The following YRDC variants were observed in gnomAD, a reference collection of about 807,000 sequenced individuals.
The protein encoded by YRDC is threonylcarbamoyl-AMP synthase.
A neutral mutation model predicts 21.5 loss-of-function variants in YRDC; 17 were observed. The observed-to-expected ratio is 0.79, with a 90% CI of 0.54 to 1.19. YRDC has a LOEUF of 1.19. YRDC is among the 50% of genes most tolerant of loss of function. YRDC has a pLI of 0.00. For synonymous variants in YRDC, 193 were observed against 176.7 expected, an observed-to-expected ratio of 1.09 and a Z score of -0.73; for missense variants, 380 against 397.1, an observed-to-expected ratio of 0.96 and a Z score of 0.37.
Position 37,803,087 on chromosome 1 carries a change from TG to T in YRDC, c.*837del, listed in dbSNP as rs1320870420. The stretch of plus-strand genomic sequence containing the variant: ...ACACTGGATTTAAATAAAGGTGTTA[TG>T]GGTATAATTAACTATAATTTATTTT... On this transcript the variant is annotated 3_prime_UTR_variant, in exon 5 of 5. Transcript: ENST00000373044. 2.0e-5 allele frequency: 3 copies of T among 152,218 alleles called. No individual in the cohort carries two copies. The highest frequency in any genetic ancestry group is 7.2e-5 in the African/African-American group (3 of 41,452). 9.4% of individuals were successfully genotyped at this position (152,218 alleles called of 1,614,324 possible). A position where few individuals can be genotyped will look rare whatever the true frequency, so the allele number is the denominator to read the frequency against.
rs769077139 is a variant in YRDC, at chr1:37,804,471, G to A, written c.625-27C>T. The A allele has an allele frequency of 3.1e-6, 5 of 1,602,460 alleles. No homozygotes were observed. The South Asian group carries it at 3.3e-5, about 11-fold the overall frequency. On this transcript the variant is annotated intron_variant, in intron 3 of 4. Transcript: ENST00000373044. ...TGAGAAGAGGGAGAAGGAAGAGCAT[G>A]GACACTATCCCTGGTGTATCCAATA...
Position 37,807,292 on chromosome 1 carries a change from T to C in YRDC, c.390-77A>G, listed in dbSNP as rs1032910512. ...TCCTTTCCTAGACTCTAGGCAGACG[T>C]AGAAAAGGAATCCTTCGAGTTTACA... On this transcript the variant is annotated intron_variant, in intron 1 of 4. Coordinates refer to ENST00000373044, the MANE Select transcript of YRDC (RefSeq NM_024640.4). 6.0e-6 allele frequency: 8 copies of C among 1,341,814 alleles called. No homozygotes were observed. The African/African-American group carries it at 1.2e-4, about 19-fold the overall frequency. The allele number at this position is 1,341,814 out of a possible 1,614,324, so 83.1% of individuals were successfully genotyped here.
chr1:37,803,707 T>C lies in YRDC; in HGVS notation c.*218A>G, dbSNP rs1646716587. ...ACTTTTCCATTCAGCTTTTGGCTGA[T>C]ATATGAAAATACAAATAAATACATC... On this transcript the variant is annotated 3_prime_UTR_variant, in exon 5 of 5. Transcript: ENST00000373044. 2 of 511,236 alleles carry C rather than the reference T, an allele frequency of 3.9e-6. No homozygotes were observed. Among genetic ancestry groups the C allele is most frequent in the South Asian group, 3.4e-5 (1 of 29,552 alleles). The allele number at this position is 511,236 out of a possible 1,614,324, so 31.7% of individuals were successfully genotyped here.
chr1:37,807,771 GC>G lies in YRDC; in HGVS notation c.389+20del. ...CTCCCGCGGTGCCGCCCCTAGCGGGGCCGGGTCGGGGCGGCCTTACCTGTAG... is the reference window on the plus strand; with the variant it reads ...CTCCCGCGGTGCCGCCCCTAGCGGGGCGGGTCGGGGCGGCCTTACCTGTAG... On this transcript the variant is annotated intron_variant, in intron 1 of 4. Transcript: ENST00000373044. 6.7e-7 allele frequency: 1 copy of G among 1,486,828 alleles called. No homozygotes were observed. Among genetic ancestry groups the G allele is most frequent in the Non-Finnish European group, 8.9e-7 (1 of 1,121,834 alleles). 92.1% of individuals were successfully genotyped at this position (1,486,828 alleles called of 1,614,324 possible).
At chr1:37,806,776 G>C in intron 3 of YRDC, 81 bp downstream of exon 3, 1 of 1,597,340 alleles carries the variant, frequency 6.3e-7, no homozygotes, top group Non-Finnish European at 8.6e-7. Context: ...GGCCATCCCA[G>C]TGTACTATCA....
Position 37,806,956 on chromosome 1 carries a change from A to C in YRDC, c.525T>G (p.Pro175=), listed in dbSNP as rs529502919. ...CCAAGTCTTGCATAAAAGCATGATC[A>C]GGAATCCGAATGCCTACAAGCTGTA... ...PFTPLVGIRI[P]DHAFMQDLAQ... is the part of the protein sequence containing the mutation. Residue 175 remains proline (P), a synonymous_variant, in exon 3 of 5, where the codon CCT becomes CCG. Coordinates refer to ENST00000373044, the MANE Select transcript of YRDC (RefSeq NM_024640.4). 1 of 1,614,252 alleles carries C rather than the reference A, an allele frequency of 6.2e-7. No homozygotes were observed. The highest frequency in any genetic ancestry group is 8.5e-7 in the Non-Finnish European group (1 of 1,180,042).
Position 37,803,771 on chromosome 1 carries a change from G to T in YRDC, c.*154C>A. 1.5e-6 allele frequency: 1 copy of T among 682,016 alleles called. No homozygotes were observed. Among genetic ancestry groups the T allele is most frequent in the Non-Finnish European group, 2.4e-6 (1 of 411,054 alleles). 42.2% of individuals were successfully genotyped at this position (682,016 alleles called of 1,614,324 possible). On this transcript the variant is annotated 3_prime_UTR_variant, in exon 5 of 5. Coordinates refer to ENST00000373044, the MANE Select transcript of YRDC (RefSeq NM_024640.4). Reference sequence around the variant, plus strand: ...CAAGGCTAAACCAGCAGCTCCAAGGGCTTGGTCTACAGTGCTCAGAAAGAC... The same window carrying T: ...CAAGGCTAAACCAGCAGCTCCAAGGTCTTGGTCTACAGTGCTCAGAAAGAC...
intron 3 of YRDC, among the ~76,000 whole-genome samples, chr1:37,805,772 T>A (rs931207940): frequency 6.6e-6 from 1 of 152,096 alleles, no homozygotes; most frequent in Admixed American, 6.5e-5. Context: ...GGAAAACCCA[T>A]CGAATGGAGT....
chr1:37,807,776 G>A lies in YRDC; in HGVS notation c.389+16C>T, dbSNP rs2148392128. 1.3e-6 allele frequency: 2 copies of A among 1,491,658 alleles called. No individual in the cohort carries two copies. Among genetic ancestry groups the A allele is most frequent in the Non-Finnish European group, 1.8e-6 (2 of 1,124,434 alleles). The allele number at this position is 1,491,658 out of a possible 1,614,324, so 92.4% of individuals were successfully genotyped here. A position where few individuals can be genotyped will look rare whatever the true frequency, so the allele number is the denominator to read the frequency against. On this transcript the variant is annotated intron_variant, in intron 1 of 4. Transcript: ENST00000373044. The stretch of plus-strand genomic sequence containing the variant: ...GCGGTGCCGCCCCTAGCGGGGCCGG[G>A]TCGGGGCGGCCTTACCTGTAGACGT...
intron 3 of YRDC, 110 bp from the exon 4 acceptor site, chr1:37,804,554 C>T: frequency 7.5e-7 from 1 of 1,336,802 alleles, no homozygotes; most frequent in Non-Finnish European, 1.0e-6. Context: ...AAGGCACTTT[C>T]CTCTAAGCAG....
At chr1:37,807,763 C>T (rs1439773145) in intron 1 of YRDC, 29 bp downstream of exon 1, 2 of 1,476,060 alleles carry the variant, frequency 1.4e-6, no homozygotes, top group African/African-American at 1.4e-5. Flanking sequence ...GGTGCCGCCC[C>T]TAGCGGGGCC....
intron 1 of YRDC, chr1:37,807,516 CTG>C (rs779543907): frequency 6.6e-6 from 4 of 606,914 alleles, no homozygotes; most frequent in Non-Finnish European, 1.1e-5. Context: ...AATTAAGCTA[CTG>C]TGTTTGTTTG....
intron 3 of YRDC, among the ~76,000 whole-genome samples, chr1:37,806,121 TG>T (rs1324098983): frequency 1.3e-5 from 2 of 152,070 alleles, no homozygotes; most frequent in African/African-American, 4.8e-5. Flanking sequence ...AATCAAAAAC[TG>T]GTTAAAAATC....
Position 37,803,807 on chromosome 1 carries a change from A to C in YRDC, c.*118T>G, listed in dbSNP as rs979164835. On this transcript the variant is annotated 3_prime_UTR_variant, in exon 5 of 5. Coordinates refer to ENST00000373044, the MANE Select transcript of YRDC (RefSeq NM_024640.4). ...AGTGCTCAGAAAGACACACTGCCTT[A>C]AAAGTCAGGCTAGTGCCCTAGCTCC... 153 of 1,128,700 alleles carry C rather than the reference A, an allele frequency of 1.4e-4. No homozygotes were observed. The highest frequency in any genetic ancestry group is 1.9e-4 in the Non-Finnish European group (147 of 777,322). 69.9% of individuals were successfully genotyped at this position (1,128,700 alleles called of 1,614,324 possible). A position where few individuals can be genotyped will look rare whatever the true frequency, so the allele number is the denominator to read the frequency against.
chr1:37,803,951 G>C lies in YRDC; in HGVS notation c.814C>G (p.Leu272Val). 5.6e-6 allele frequency: 9 copies of C among 1,614,186 alleles called. No individual in the cohort carries two copies. The highest frequency in any genetic ancestry group is 7.6e-6 in the Non-Finnish European group (9 of 1,180,040). ...CACAGGTAGGACGCATGTGAGGGGAGCAGTCCGTACTTCTGTTGGAGGATG... is the reference window on the plus strand; with the variant it reads ...CACAGGTAGGACGCATGTGAGGGGACCAGTCCGTACTTCTGTTGGAGGATG... Reference protein sequence around the residue: ...TAILQQKYGLLPSHASYL With the variant: ...TAILQQKYGLVPSHASYL Residue 272 changes from leucine (L) to valine (V), a missense_variant, in exon 5 of 5, where the codon CTC becomes GTC. Coordinates refer to ENST00000373044, the MANE Select transcript of YRDC (RefSeq NM_024640.4).
chr1:37,806,822 G>C, intron 3 of YRDC, 35 bp downstream of exon 3: 1 of 1,613,720 alleles, frequency 6.2e-7, no homozygotes, highest in Non-Finnish European at 8.5e-7. Flanking sequence ...ATGTGCGCTG[G>C]TGACATTTCC....
chr1:37,803,859 C>T lies in YRDC; in HGVS notation c.*66G>A. The T allele has an allele frequency of 6.3e-7, 1 of 1,577,014 alleles. No individual in the cohort carries two copies. The highest frequency in any genetic ancestry group is 1.1e-5 in the South Asian group (1 of 89,294). Reference sequence around the variant, plus strand: ...GTGGCCTCTGCAAATGAGGCCTTGACAGTCGTCAGTGGACAGACACATAGT... The same window carrying T: ...GTGGCCTCTGCAAATGAGGCCTTGATAGTCGTCAGTGGACAGACACATAGT... On this transcript the variant is annotated 3_prime_UTR_variant, in exon 5 of 5. Coordinates refer to ENST00000373044, the MANE Select transcript of YRDC (RefSeq NM_024640.4).
In YRDC at chr1:37,807,814, C is replaced by G; in HGVS notation, c.367G>C (p.Gly123Arg). The change falls in exon 1 of 5, where the codon GGC becomes CGC. Residue 123 changes from glycine to arginine, a missense_variant. Coordinates refer to ENST00000373044, the MANE Select transcript of YRDC (RefSeq NM_024640.4). ...SEAKPLAVCL[G>R]RVADVYRYCR... ...TACCTGTAGACGTCGGCCACGCGGC[C>G]GAGGCATACGGCCAGAGGCTTGGCC... is the stretch of plus-strand genomic sequence containing the variant. 6.6e-7 allele frequency: 1 copy of G among 1,509,784 alleles called. No homozygotes were observed. The highest frequency in any genetic ancestry group is 1.4e-5 in the African/African-American group (1 of 70,884). The allele number at this position is 1,509,784 out of a possible 1,614,324, so 93.5% of individuals were successfully genotyped here. A position where few individuals can be genotyped will look rare whatever the true frequency, so the allele number is the denominator to read the frequency against.
rs1646712410 is a variant in YRDC, at chr1:37,803,026, T to C, written c.*899A>G. The C allele has an allele frequency of 6.6e-6, 1 of 152,200 alleles. No individual in the cohort carries two copies. The highest frequency in any genetic ancestry group is 2.4e-5 in the African/African-American group (1 of 41,448). 9.4% of individuals were successfully genotyped at this position (152,200 alleles called of 1,614,324 possible). Reference sequence around the variant, plus strand: ...GCCCAATAATAATTATGTTTAACACTTGGTACACATATAAATAGACAAAAG... The same window carrying C: ...GCCCAATAATAATTATGTTTAACACCTGGTACACATATAAATAGACAAAAG... On this transcript the variant is annotated 3_prime_UTR_variant, in exon 5 of 5. Coordinates refer to ENST00000373044, the MANE Select transcript of YRDC (RefSeq NM_024640.4).
Sources: gnomAD v4.1 joint callset for allele counts (sites outside exome capture counted in the v4.1 genomes callset) on GRCh38, gnomAD v4.1.1 for gene constraint, MANE v1.5 for transcripts, NCBI Gene and HGNC (gene_info 2026-07-23, HGNC 2026-07-21) for gene names.